The following OASL variants were observed in gnomAD, a reference collection of about 807,000 sequenced individuals.
OASL encodes the protein 2'-5'-oligoadenylate synthetase like.
In OASL, 28 loss-of-function variants were observed where a neutral mutation model predicts 35.3. The observed-to-expected ratio is 0.79, with a 90% CI of 0.59 to 1.09. OASL has a LOEUF of 1.09. Among genes scored for constraint, OASL ranks in the 50% least tolerant of loss-of-function variants. OASL has a pLI of 0.00. For missense variants in OASL, 620 were observed against 635.2 expected, an observed-to-expected ratio of 0.98 and a Z score of 0.26; for synonymous variants, 252 against 254.6, an observed-to-expected ratio of 0.99 and a Z score of 0.10.
chr12:121,033,803 C>A, intron 1 of OASL, 60 bp from the exon 2 acceptor site: 2 of 1,556,670 alleles, frequency 1.3e-6, no homozygotes, highest in East Asian at 2.2e-5. Flanking sequence ...GCAACCCCTG[C>A]GGCACTTCAC....
intron 5 of OASL, among the ~76,000 whole-genome samples, chr12:121,021,314 A>C (rs1869227090): frequency 6.6e-6 from 1 of 152,204 alleles, no homozygotes; most frequent in South Asian, 2.1e-4. Flanking sequence ...GAAACTGAGC[A>C]GGGTTAGGTA....
At chr12:121,017,989 T>C (rs1869081713), downstream of OASL, among the ~76,000 whole-genome samples, 1 of 152,192 alleles carries the variant, frequency 6.6e-6, no homozygotes, top group Non-Finnish European at 1.5e-5. Context: ...ATGCAAGTGG[T>C]TTATCTATAA....
exon 1 of OASL, chr12:121,039,213 G>C: frequency 1.8e-6 from 1 of 541,204 alleles, no homozygotes; most frequent in Non-Finnish European, 3.3e-6. Flanking sequence ...GAATATCTGG[G>C]GCCACCTTAA....
At chr12:121,035,301 C>T (rs557014828) in intron 1 of OASL, among the ~76,000 whole-genome samples, 15 of 151,836 alleles carry the variant, frequency 9.9e-5, no homozygotes, top group Non-Finnish European at 1.8e-4. Context: ...CCAAGGTGGG[C>T]GGATCATGAG....
chr12:121,038,830 G>C (rs1870063074), exon 1 of OASL: 1 of 1,614,096 alleles, frequency 6.2e-7, no homozygotes, highest in Non-Finnish European at 8.5e-7. Flanking sequence ...CCCTGGAAAT[G>C]CTCCTGCCTC....
intron 4 of OASL, 117 bp downstream of exon 4, chr12:121,027,459 A>G (rs1440005040): frequency 1.4e-6 from 2 of 1,471,672 alleles, no homozygotes; most frequent in East Asian, 4.6e-5. Flanking sequence ...TCGATGCTCA[A>G]CTATGGTGGC....
chr12:121,029,260 T>G (rs1405602757), intron 3 of OASL, among the ~76,000 whole-genome samples: 1 of 151,870 alleles, frequency 6.6e-6, no homozygotes, highest in East Asian at 1.9e-4. Context: ...CACTTTGGCC[T>G]TGAAACAAAC....
intron 1 of OASL, 26 bp downstream of exon 1, chr12:121,038,748 T>G (rs1870056893): frequency 6.2e-7 from 1 of 1,611,588 alleles, no homozygotes; most frequent in East Asian, 2.2e-5. Flanking sequence ...TTGTCTTGCG[T>G]GGGGGCTGGA....
chr12:121,027,432 T>C, intron 4 of OASL, 144 bp downstream of exon 4: 2 of 1,225,390 alleles, frequency 1.6e-6, no homozygotes, highest in Non-Finnish European at 2.3e-6. Context: ...AGATGCCAGC[T>C]GTGTTGGTGT....
chr12:121,023,287 C>CTTTTTTTTT lies in OASL; in HGVS notation c.1047+702_1047+703insAAAAAAAAA, dbSNP rs768266698. On this transcript the variant is annotated intron_variant, in intron 5 of 5. Coordinates refer to ENST00000257570, the Ensembl canonical transcript of OASL. ...AGTGAGGGTGGTGTCTTTTTTTTTTCTTTTTTTCTTTTTTTTTTGAGGCAG... is the reference window on the plus strand; with the variant it reads ...AGTGAGGGTGGTGTCTTTTTTTTTTCTTTTTTTTTTTTTTTTCTTTTTTTTTTGAGGCAG... Among the ~76,000 whole-genome samples the CTTTTTTTTT allele has an allele frequency of 4.1e-5, 5 of 123,264 alleles. 2 individuals are homozygous for CTTTTTTTTT. The highest frequency in any genetic ancestry group is 8.4e-5 in the Non-Finnish European group (5 of 59,460). The allele number at this position is 123,264 out of a possible 152,430, so 80.9% of individuals were successfully genotyped here.
chr12:121,031,001 G>C (rs1187142278), intron 3 of OASL, among the ~76,000 whole-genome samples: 1 of 151,972 alleles, frequency 6.6e-6, no homozygotes, highest in South Asian at 2.1e-4. Context: ...AGCTGGGCAT[G>C]GTTGTGCATG....
At chr12:121,023,963 C>T in intron 5 of OASL, 27 bp downstream of exon 5, 1 of 1,612,986 alleles carries the variant, frequency 6.2e-7, no homozygotes, top group Admixed American at 1.7e-5. Context: ...CCTTCAAGCC[C>T]TTGACAGCCC....
At chr12:121,019,051 T>C (rs1017375735), downstream of OASL, 2 of 152,464 alleles carry the variant, frequency 1.3e-5, no homozygotes, top group African/African-American at 4.8e-5. Context: ...TAAATGGTTA[T>C]TGTTCATGAG....
intron 3 of OASL, among the ~76,000 whole-genome samples, chr12:121,028,877 C>A (rs951861436): frequency 1.3e-5 from 2 of 151,768 alleles, no homozygotes; most frequent in African/African-American, 4.8e-5. Context: ...CCAGCTTGGC[C>A]AACATGGTGA....
rs965662750 is a variant in OASL at position 121,036,129 on chromosome 12, C to G, written c.199-2386G>C. On this transcript the variant is annotated intron_variant, in intron 1 of 5. Transcript: ENST00000257570. ...CCTCCCACCTTGGCCTCCCAAAGTG[C>G]TGGGATTACAGGCGTGAGCCACTGT... Among the ~76,000 whole-genome samples, 6 of 152,198 alleles carry G rather than the reference C, an allele frequency of 3.9e-5. No homozygotes were observed. The East Asian group carries it at 1.2e-3, about 29-fold the overall frequency.
chr12:121,022,946 A>G (rs890918797), intron 5 of OASL, among the ~76,000 whole-genome samples: 2 of 152,168 alleles, frequency 1.3e-5, no homozygotes, highest in Non-Finnish European at 2.9e-5. Context: ...TAAAATGGCA[A>G]TAATAGTAAT....
At chr12:121,021,097 ACTT>A in intron 5 of OASL, 39 bp from the exon 6 acceptor site, 1 of 1,513,854 alleles carries the variant, frequency 6.6e-7, no homozygotes, top group Non-Finnish European at 8.8e-7. Context: ...TTAAGTCCAC[ACTT>A]CTTTGTCTGA....
At chr12:121,024,363 T>C (rs1448681447) in intron 4 of OASL, among the ~76,000 whole-genome samples, 1 of 152,188 alleles carries the variant, frequency 6.6e-6, no homozygotes, top group Non-Finnish European at 1.5e-5. Context: ...ACGCCTGTAA[T>C]CCCAGCACTT....
chr12:121,034,886 G>A (rs1040628393), intron 1 of OASL, among the ~76,000 whole-genome samples: 2 of 152,092 alleles, frequency 1.3e-5, no homozygotes, highest in South Asian at 2.1e-4. Flanking sequence ...CTGCCGGGGG[G>A]TCAGTTTTCC....
Sources: gnomAD v4.1 joint callset for allele counts (sites outside exome capture counted in the v4.1 genomes callset) on GRCh38, gnomAD v4.1.1 for gene constraint, MANE v1.5 for transcripts, NCBI Gene and HGNC (gene_info 2026-07-23, HGNC 2026-07-21) for gene names.